Variants in GABRA2 observed in about 807,000 individuals in gnomAD.
The protein encoded by GABRA2 is gamma-aminobutyric acid receptor subunit alpha-2.
A neutral mutation model predicts 48.7 loss-of-function variants in GABRA2; 16 were observed. The ratio of observed to expected loss-of-function variants is 0.33; its 90% CI spans 0.22 to 0.50. The LOEUF (loss-of-function observed/expected upper bound fraction) is 0.50, where lower values mean the gene tolerates loss of function less well. GABRA2 is among the 20% of genes least tolerant of loss of function. GABRA2 has a pLI of 0.98. For missense variants in GABRA2, 275 were observed against 535.6 expected (o/e 0.51, Z 4.80); for synonymous variants, 185 against 184.5 (o/e 1.00, Z -0.02).
At chr4:46,295,879 T>A (rs1724541976) in intron 8 of GABRA2, among the ~76,000 whole-genome samples, 1 of 152,204 alleles carries the variant, frequency 6.6e-6, no homozygotes, top group African/African-American at 2.4e-5. Flanking sequence ...CTATCATCTA[T>A]GGACTCATAG....
intron 3 of GABRA2, among the ~76,000 whole-genome samples, chr4:46,378,672 T>A (rs545839862): frequency 3.3e-5 from 5 of 151,190 alleles, no homozygotes; most frequent in East Asian, 3.9e-4. Flanking sequence ...AAAAAAAATT[T>A]AAAAATTAGC....
intron 5 of GABRA2, 63 bp downstream of exon 5, chr4:46,312,433 G>T: frequency 9.2e-7 from 1 of 1,081,104 alleles, no homozygotes; most frequent in Non-Finnish European, 1.4e-6. Flanking sequence ...TAGATTGGCT[G>T]GTTGTTTAAT....
At position 46,253,808 on chromosome 4, in the gene GABRA2, C is replaced by G. The variant is rs1018457347; in HGVS notation, c.1060-3204G>C. 2.0e-5 allele frequency among the ~76,000 whole-genome samples: 3 copies of G among 151,450 alleles called. No homozygotes were observed. In the Admixed American group the frequency reaches 2.0e-4, roughly 10 times the overall value. On this transcript the variant is annotated intron_variant, in intron 9 of 9. Coordinates refer to ENST00000381620, the MANE Select transcript of GABRA2 (RefSeq NM_000807.4). ...CTATGGTGCTGCATCTTCTCAATTCCTAGTCTCAGCACAGCAAAGCTTTTC... is the reference window on the plus strand; with the variant it reads ...CTATGGTGCTGCATCTTCTCAATTCGTAGTCTCAGCACAGCAAAGCTTTTC...
At chr4:46,377,632 GC>G (rs1716010271) in intron 3 of GABRA2, among the ~76,000 whole-genome samples, 1 of 148,146 alleles carries the variant, frequency 6.8e-6, no homozygotes, top group Non-Finnish European at 1.5e-5. Context: ...CCGGCTAGCC[GC>G]CCGGTCCAGG....
rs1329866355 is a variant in GABRA2 at position 46,326,755 on chromosome 4, C to A, written c.255+5860G>T. 2.0e-5 allele frequency among the ~76,000 whole-genome samples: 3 copies of A among 151,976 alleles called. No individual in the cohort carries two copies. In the East Asian group the frequency reaches 5.8e-4, roughly 30 times the overall value. On this transcript the variant is annotated intron_variant, in intron 4 of 9. Coordinates refer to ENST00000381620, the MANE Select transcript of GABRA2 (RefSeq NM_000807.4). The stretch of plus-strand genomic sequence containing the variant: ...AGATGGCCCCCAAGCCATCTGTACT[C>A]CAGGCTTCTCTATTGGGCTCCAGAT...
intron 3 of GABRA2, chr4:46,367,694 T>C (rs1289871163): frequency 6.6e-6 from 1 of 152,118 alleles, no homozygotes; most frequent in East Asian, 1.9e-4. Context: ...AAACATTCTA[T>C]GCATGCTACA....
intron 8 of GABRA2, among the ~76,000 whole-genome samples, chr4:46,280,027 T>C (rs1018544003): frequency 3.9e-5 from 6 of 151,952 alleles, no homozygotes; most frequent in Non-Finnish European, 8.8e-5. Context: ...ATGCCAGACA[T>C]TCTTCTAGGC....
intron 8 of GABRA2, among the ~76,000 whole-genome samples, chr4:46,302,168 A>G (rs1725858911): frequency 1.3e-5 from 2 of 151,836 alleles, no homozygotes; most frequent in African/African-American, 4.8e-5. Flanking sequence ...TCCCACGTTC[A>G]AGCGATCCTC....
intron 3 of GABRA2, among the ~76,000 whole-genome samples, chr4:46,348,423 G>A (rs1159513450): frequency 6.6e-6 from 1 of 151,988 alleles, no homozygotes; most frequent in Admixed American, 6.6e-5. Flanking sequence ...TCCCATTACT[G>A]GGCATATAAC....
chr4:46,365,210 T>G (rs1713853699), intron 3 of GABRA2: 1 of 152,178 alleles, frequency 6.6e-6, no homozygotes, highest in South Asian at 2.1e-4. Context: ...TGTTTGGTTC[T>G]GTACTTCCAT....
chr4:46,269,365 C>A (rs1464728846), intron 8 of GABRA2, among the ~76,000 whole-genome samples: 1 of 151,668 alleles, frequency 6.6e-6, no homozygotes, highest in Non-Finnish European at 1.5e-5. Flanking sequence ...AAGTGATATA[C>A]AAGACTCCTC....
chr4:46,264,621 A>C (rs1378580564), intron 8 of GABRA2, among the ~76,000 whole-genome samples: 4 of 152,058 alleles, frequency 2.6e-5, no homozygotes, highest in Non-Finnish European at 4.4e-5. Flanking sequence ...CTATATCTAT[A>C]AGGAATATGG....
At chr4:46,283,119 C>T (rs1721844480) in intron 8 of GABRA2, among the ~76,000 whole-genome samples, 1 of 152,174 alleles carries the variant, frequency 6.6e-6, no homozygotes, top group Non-Finnish European at 1.5e-5. Context: ...GATAGATAGT[C>T]AACCCGTGAG....
chr4:46,337,536 T>G (rs1232622744), intron 3 of GABRA2, among the ~76,000 whole-genome samples: 1 of 151,462 alleles, frequency 6.6e-6, no homozygotes. Context: ...GAGAATTTTG[T>G]GGCCAGGGCT....
rs919156316 is a variant in GABRA2, at chr4:46,346,661, A to T, written c.188-13979T>A. ...TATTATTGTAGTTTTCTTTGTTTAC[A>T]TTTATTTTTCCAAATTAATTATGTT... On this transcript the variant is annotated intron_variant, in intron 3 of 9. Transcript: ENST00000381620. Among the ~76,000 whole-genome samples, 20 of 149,898 alleles carry T rather than the reference A, an allele frequency of 1.3e-4. No homozygotes were observed. In the East Asian group the frequency reaches 3.9e-3, roughly 29 times the overall value.
At chr4:46,283,973 A>G (rs1722032887) in intron 8 of GABRA2, among the ~76,000 whole-genome samples, 1 of 150,902 alleles carries the variant, frequency 6.6e-6, no homozygotes, top group South Asian at 2.1e-4. Context: ...GTTAGCCAGG[A>G]TGGTCTCCAT....
intron 8 of GABRA2, among the ~76,000 whole-genome samples, chr4:46,271,783 T>A (rs1222780549): frequency 6.6e-6 from 1 of 151,912 alleles, no homozygotes; most frequent in Non-Finnish European, 1.5e-5. Flanking sequence ...AAAACTCGTA[T>A]CCCTCTCCTC....
intron 3 of GABRA2, among the ~76,000 whole-genome samples, chr4:46,369,518 T>C (rs1210842612): frequency 6.7e-6 from 1 of 150,222 alleles, no homozygotes; most frequent in Non-Finnish European, 1.5e-5. Context: ...CAAATACAGA[T>C]ACCATTAGCC....
At chr4:46,344,568 T>C (rs939445623) in intron 3 of GABRA2, among the ~76,000 whole-genome samples, 23 of 151,926 alleles carry the variant, frequency 1.5e-4, no homozygotes, top group African/African-American at 3.9e-4. Context: ...GTTGAACATA[T>C]GGCAAGGCAG....
Sources: gnomAD v4.1 joint callset for allele counts (sites outside exome capture counted in the v4.1 genomes callset) on GRCh38, gnomAD v4.1.1 for gene constraint, MANE v1.5 for transcripts, NCBI Gene and HGNC (gene_info 2026-07-23, HGNC 2026-07-21) for gene names.